Variants in MID1 observed in about 807,000 individuals in gnomAD.
MID1 encodes the protein E3 ubiquitin-protein ligase Midline-1.
In MID1, 7 loss-of-function variants were observed where a neutral mutation model predicts 40.4. That is an observed-to-expected ratio of 0.17 (90% confidence interval 0.10 to 0.33). The LOEUF (loss-of-function observed/expected upper bound fraction) is 0.33, where lower values mean the gene tolerates loss of function less well. MID1 is among the 10% of genes least tolerant of loss of function. The probability of loss-of-function intolerance (pLI) is 1.00; values close to 1 mark genes in which losing one functional copy is unlikely to be tolerated. For missense variants in MID1, 367 were observed against 558.5 expected, an observed-to-expected ratio of 0.66 and a Z score of 3.46; for synonymous variants, 229 against 221.2, an observed-to-expected ratio of 1.04 and a Z score of -0.31.
chrX:10,694,449 T>A (rs1251632913), intron 1 of MID1, among the ~76,000 whole-genome samples: 1 of 112,247 alleles, frequency 8.9e-6, no homozygotes, highest in African/African-American at 3.2e-5. Flanking sequence ...ATAAATTCTG[T>A]CTCTTCTGTT....
chrX:10,738,960 A>AAAG (rs1555919631), intron 1 of MID1, among the ~76,000 whole-genome samples: 1 of 110,003 alleles, frequency 9.1e-6, no homozygotes, highest in Admixed American at 9.8e-5. Flanking sequence ...AAAAAAAAAA[A>AAAG]AAAGAAAGAA....
chrX:10,613,895 T>G (rs1935796290), intron 1 of MID1, among the ~76,000 whole-genome samples: 1 of 107,059 alleles, frequency 9.3e-6, no homozygotes, highest in African/African-American at 3.4e-5. Context: ...CTGATCTATT[T>G]AGTCCTTGCT....
chrX:10,715,242 C>T (rs1189975913), intron 1 of MID1, among the ~76,000 whole-genome samples: 4 of 112,215 alleles, frequency 3.6e-5, no homozygotes, highest in East Asian at 2.8e-4. Flanking sequence ...TGAAGCAGGG[C>T]GAGGCATCAC....
At chrX:10,785,503 C>T (rs1363095007) in intron 1 of MID1, among the ~76,000 whole-genome samples, 3 of 110,747 alleles carry the variant, frequency 2.7e-5, no homozygotes, top group African/African-American at 9.9e-5. Flanking sequence ...GAGCCCGCAT[C>T]ACCAAGTCAA....
intron 9 of MID1, 23 bp from the exon 10 acceptor site, chrX:10,449,739 AC>A (rs1157957829): frequency 9.0e-7 from 1 of 1,107,480 alleles, no homozygotes; most frequent in Non-Finnish European, 1.2e-6. Flanking sequence ...AACAGCAACA[AC>A]AAAAACAATG....
intron 1 of MID1, among the ~76,000 whole-genome samples, chrX:10,581,436 T>A (rs995234289): frequency 2.7e-5 from 3 of 111,682 alleles, no homozygotes; most frequent in Non-Finnish European, 3.8e-5. Flanking sequence ...AGTTTCCTTA[T>A]CTGAGAGCAA....
intron 9 of MID1, among the ~76,000 whole-genome samples, chrX:10,453,740 T>C (rs1179425165): frequency 1.8e-5 from 2 of 112,107 alleles, no homozygotes; most frequent in Non-Finnish European, 1.9e-5. Flanking sequence ...ACCAGAAATA[T>C]TGAATCTCTG....
At chrX:10,571,863 T>G (rs1188951522) in intron 1 of MID1, among the ~76,000 whole-genome samples, 1 of 110,126 alleles carries the variant, frequency 9.1e-6, no homozygotes, top group Non-Finnish European at 1.9e-5. Flanking sequence ...CACTACAGCC[T>G]GGGCAACAGA....
At chrX:10,690,213 T>C (rs1431564514) in intron 1 of MID1, among the ~76,000 whole-genome samples, 1 of 112,050 alleles carries the variant, frequency 8.9e-6, no homozygotes, top group Non-Finnish European at 1.9e-5. Flanking sequence ...GCAACTCCAT[T>C]TGACAAAGGA....
intron 1 of MID1, among the ~76,000 whole-genome samples, chrX:10,783,526 G>T (rs189453057): frequency 9.0e-6 from 1 of 111,228 alleles, no homozygotes; most frequent in African/African-American, 3.3e-5. Flanking sequence ...CTTCTATCAC[G>T]CAACAGCATC....
At chrX:10,498,769 G>C (rs1931393034) in intron 3 of MID1, among the ~76,000 whole-genome samples, 1 of 112,401 alleles carries the variant, frequency 8.9e-6, no homozygotes. Context: ...AGGTTCATCT[G>C]TGTGGTAGCA....
chrX:10,630,861 T>C (rs1302282216), intron 1 of MID1, among the ~76,000 whole-genome samples: 1 of 110,518 alleles, frequency 9.0e-6, no homozygotes, highest in Non-Finnish European at 1.9e-5. Flanking sequence ...ATGTGTCAGA[T>C]AAAGAGCAGA....
intron 1 of MID1, among the ~76,000 whole-genome samples, chrX:10,805,996 CG>C (rs1282287838): frequency 9.4e-6 from 1 of 106,802 alleles, no homozygotes; most frequent in African/African-American, 3.4e-5. Flanking sequence ...GAGTAGGTTG[CG>C]AAAATTTTCT....
intron 1 of MID1, among the ~76,000 whole-genome samples, chrX:10,701,586 G>A (rs965538244): frequency 8.9e-6 from 1 of 112,475 alleles, no homozygotes; most frequent in Non-Finnish European, 1.9e-5. Flanking sequence ...TGCGGCAGCA[G>A]TTAAAAGAGT....
chrX:10,799,944 CT>C lies in MID1; in HGVS notation c.-187+33609del, dbSNP rs1192963458. Among the ~76,000 whole-genome samples, 832 of 102,732 alleles carry C rather than the reference CT, an allele frequency of 8.1e-3. 2 individuals carry two copies. The highest frequency in any genetic ancestry group is 0.025 in the African/African-American group (712 of 28,569). The allele number at this position is 102,732 out of a possible 115,157, so 89.2% of individuals were successfully genotyped here. A position where few individuals can be genotyped will look rare whatever the true frequency, so the allele number is the denominator to read the frequency against. On this transcript the variant is annotated intron_variant, in intron 1 of 10. Transcript: ENST00000380785. ...CTAGAAATATTTTTGATTTCCTAGT[CT>C]TTTTTTTTTTTATTAACAAGACGCA...
chrX:10,642,120 CCT>C (rs1322367840), intron 1 of MID1, among the ~76,000 whole-genome samples: 1 of 111,663 alleles, frequency 9.0e-6, no homozygotes, highest in African/African-American at 3.3e-5. Context: ...ACAGGGATGC[CCT>C]CTCTCACCAC....
Position 10,459,639 on chromosome X carries a change from C to T in MID1, c.1447+7G>A. The T allele has an allele frequency of 8.3e-7, 1 of 1,209,803 alleles. No homozygotes were observed. The highest frequency in any genetic ancestry group is 1.7e-5 in the African/African-American group (1 of 57,787). On this transcript the variant is annotated splice_region_variant and intron_variant, in intron 8 of 9. Coordinates refer to ENST00000317552, the MANE Select transcript of MID1 (RefSeq NM_000381.4). ...CATGACAGCTCTGTTGAGTTCACAG[C>T]ACTTACTGTTTGTCTTCAACTTCCC...
intron 1 of MID1, among the ~76,000 whole-genome samples, chrX:10,666,406 C>CAAAAAAAAAAAAA (rs33938561): frequency 1.5e-5 from 1 of 68,854 alleles, no homozygotes; most frequent in East Asian, 4.4e-4. Flanking sequence ...TGATAAACTG[C>CAAAAAAAAAAAAA]AAAAAAAAAA....
At chrX:10,601,934 T>C (rs1244832486) in intron 1 of MID1, among the ~76,000 whole-genome samples, 1 of 106,777 alleles carries the variant, frequency 9.4e-6, no homozygotes, top group Non-Finnish European at 1.9e-5. Context: ...TCTCGCTCTG[T>C]CGCCCAGGCT....
Sources: gnomAD v4.1 joint callset for allele counts (sites outside exome capture counted in the v4.1 genomes callset) on GRCh38, gnomAD v4.1.1 for gene constraint, MANE v1.5 for transcripts, NCBI Gene and HGNC (gene_info 2026-07-23, HGNC 2026-07-21) for gene names.